The following MIB1 variants were observed in gnomAD, a reference collection of about 807,000 sequenced individuals.
The protein encoded by MIB1 is MIB E3 ubiquitin protein ligase 1.
Under a neutral mutation model 124.5 loss-of-function variants are expected in MIB1, and 278 were observed. That is an observed-to-expected ratio of 2.23 (90% CI 2.02 to 2.47). The LOEUF (loss-of-function observed/expected upper bound fraction) is 2.47. Ranked by LOEUF, MIB1 falls within the 30% of genes most tolerant of loss-of-function variation. The pLI, the probability that MIB1 is intolerant of heterozygous loss-of-function variation, is 0.00. For synonymous variants in MIB1, 446 were observed against 429.4 expected (o/e 1.04, Z -0.48); for missense variants, 957 against 1,254.4 (o/e 0.76, Z 3.58).
upstream of MIB1, among the ~76,000 whole-genome samples, chr18:21,739,574 A>G (rs957029575): frequency 6.6e-6 from 1 of 152,190 alleles, no homozygotes; most frequent in Non-Finnish European, 1.5e-5. Flanking sequence ...AGAAGCCAGT[A>G]GCACATCAAA....
chr18:21,805,074 G>A (rs184542503), intron 10 of MIB1, among the ~76,000 whole-genome samples: 2 of 152,130 alleles, frequency 1.3e-5, no homozygotes, highest in South Asian at 2.1e-4. Flanking sequence ...GTGCAATGGC[G>A]TGTTCTCAGC....
At chr18:21,838,543 A>T (rs764169788) in intron 13 of MIB1, 46 bp downstream of exon 13, 5 of 1,466,818 alleles carry the variant, frequency 3.4e-6, no homozygotes, top group Non-Finnish European at 4.6e-6. Context: ...TTTTTTTTAA[A>T]CAATTTGGGA....
rs1248075005 is a variant in MIB1 at position 21,847,038 on chromosome 18, G to A, written c.2306G>A (p.Arg769Gln). Residue 769 changes from arginine to glutamine, a missense_variant, in exon 16 of 21, where the codon CGA (arginine) becomes CAA (glutamine). Arg to Gln is a conservative substitution (Grantham distance 43). Coordinates refer to ENST00000261537, the MANE Select transcript of MIB1 (RefSeq NM_020774.4). ...LAANGADLSIRNKKGQSPLDL... is the reference protein window; with the variant it reads ...LAANGADLSIQNKKGQSPLDL... ...GCCAATGGTGCTGACCTGAGCATTC[G>A]AAATAAGAAGGGTCAATCGCCACTT... 1.9e-6 allele frequency: 3 copies of A among 1,613,946 alleles called. No homozygotes were observed. Among genetic ancestry groups the A allele is most frequent in the South Asian group, 1.1e-5 (1 of 91,078 alleles).
chr18:21,746,135 G>A (rs1472416884), intron 1 of MIB1, among the ~76,000 whole-genome samples: 1 of 152,178 alleles, frequency 6.6e-6, no homozygotes. Context: ...TATATTATAT[G>A]AATAGAAAAT....
At position 21,838,561 on chromosome 18, in the gene MIB1, C is replaced by T. The variant is rs1041984468; in HGVS notation, c.1962+64C>T. On this transcript the variant is annotated intron_variant, in intron 13 of 20. Transcript: ENST00000261537. Reference sequence around the variant, plus strand: ...TTTTTAAACAATTTGGGACCATTGCCATTCATTTATTTATTGCTTTATAAA... The same window carrying T: ...TTTTTAAACAATTTGGGACCATTGCTATTCATTTATTTATTGCTTTATAAA... 4.5e-6 allele frequency: 6 copies of T among 1,339,296 alleles called. No individual in the cohort carries two copies. The African/African-American group carries it at 7.5e-5, about 17-fold the overall frequency. The allele number at this position is 1,339,296 out of a possible 1,614,324, so 83.0% of individuals were successfully genotyped here. A position where few individuals can be genotyped will look rare whatever the true frequency, so the allele number is the denominator to read the frequency against.
chr18:21,735,034 G>A (rs1438306214), intron 1 of MIB1, among the ~76,000 whole-genome samples: 1 of 152,214 alleles, frequency 6.6e-6, no homozygotes, highest in Non-Finnish European at 1.5e-5. Flanking sequence ...CTGAAGAGTG[G>A]AATGGCTGGA....
At chr18:21,775,270 T>A (rs996256590) in intron 4 of MIB1, among the ~76,000 whole-genome samples, 1 of 152,072 alleles carries the variant, frequency 6.6e-6, no homozygotes, top group Non-Finnish European at 1.5e-5. Flanking sequence ...GACAGGGTCT[T>A]GCTCTGTCAC....
intron 8 of MIB1, 49 bp downstream of exon 8, chr18:21,798,277 A>C (rs1389595809): frequency 6.4e-7 from 1 of 1,572,200 alleles, no homozygotes; most frequent in Non-Finnish European, 8.7e-7. Flanking sequence ...TTACATTAAA[A>C]CCTTTGCTAA....
At position 21,848,519 on chromosome 18, in the gene MIB1, A is replaced by G. The variant is rs116617451; in HGVS notation, c.2394-677A>G. On this transcript the variant is annotated intron_variant, in intron 16 of 20. Coordinates refer to ENST00000261537, the MANE Select transcript of MIB1 (RefSeq NM_020774.4). ...TTATTGCAGTAATAACTTTTAAACAATGGAGTCTAAGGTGGACCCTCTGTG... is the reference window on the plus strand; with the variant it reads ...TTATTGCAGTAATAACTTTTAAACAGTGGAGTCTAAGGTGGACCCTCTGTG... 9.0e-3 allele frequency among the ~76,000 whole-genome samples: 1,364 copies of G among 152,260 alleles called. 21 individuals carry two copies. The highest frequency in any genetic ancestry group is 0.03 in the African/African-American group (1,266 of 41,546).
At chr18:21,804,323 G>A (rs1313846705) in intron 10 of MIB1, among the ~76,000 whole-genome samples, 2 of 152,212 alleles carry the variant, frequency 1.3e-5, no homozygotes, top group Non-Finnish European at 2.9e-5. Flanking sequence ...ATTGAAGGAC[G>A]AGGAATATAA....
intron 13 of MIB1, among the ~76,000 whole-genome samples, chr18:21,840,309 A>G (rs1304405490): frequency 6.6e-6 from 1 of 152,144 alleles, no homozygotes; most frequent in Non-Finnish European, 1.5e-5. Context: ...AACCACACAT[A>G]TAGTCAATTA....
chr18:21,803,866 T>G, intron 9 of MIB1, 41 bp from the exon 10 acceptor site: 39 of 1,386,926 alleles, frequency 2.8e-5, no homozygotes, highest in Non-Finnish European at 3.7e-5. Flanking sequence ...CTGTTTCTGA[T>G]TATTCATTCA....
intron 3 of MIB1, among the ~76,000 whole-genome samples, chr18:21,773,364 A>G (rs2041243497): frequency 6.6e-6 from 1 of 152,234 alleles, no homozygotes; most frequent in Admixed American, 6.5e-5. Context: ...CTGATAATCT[A>G]TCACTGTAAT....
intron 1 of MIB1, among the ~76,000 whole-genome samples, chr18:21,747,359 C>T (rs1449381519): frequency 6.6e-6 from 1 of 152,200 alleles, no homozygotes; most frequent in African/African-American, 2.4e-5. Flanking sequence ...GCACACAGAT[C>T]ACCTGGGGAC....
chr18:21,741,539 G>GCGT lies in MIB1; in HGVS notation c.-43_-42insTCG. On this transcript the variant is annotated 5_prime_UTR_variant, in exon 1 of 21. Coordinates refer to ENST00000261537, the MANE Select transcript of MIB1 (RefSeq NM_020774.4). This position sits in a 1 kb window ranked among gnomAD's most constrained non-coding sequence, Gnocchi z 5.4. ...CCTCACGGGCCCCCCGGCGGCAGCG[G>GCGT]CGGCGGCGGCGGCGGCAGCGGCGGA... 7.7e-7 allele frequency: 1 copy of GCGT among 1,293,704 alleles called. No individual in the cohort carries two copies. Among genetic ancestry groups the GCGT allele is most frequent in the Non-Finnish European group, 9.8e-7 (1 of 1,016,838 alleles). 80.1% of individuals were successfully genotyped at this position (1,293,704 alleles called of 1,614,324 possible).
At chr18:21,852,907 G>T (rs2042193727) in intron 17 of MIB1, among the ~76,000 whole-genome samples, 1 of 152,132 alleles carries the variant, frequency 6.6e-6, no homozygotes, top group African/African-American at 2.4e-5. Context: ...TATATTTTAG[G>T]ACAGATAGGG....
At chr18:21,727,152 C>G (rs896224089) in intron 1 of MIB1, among the ~76,000 whole-genome samples, 10 of 152,126 alleles carry the variant, frequency 6.6e-5, no homozygotes, top group Admixed American at 5.9e-4. Context: ...CTCTGTTGCC[C>G]AGGTTGGAGT....
At chr18:21,735,782 C>G (rs182910673) in intron 1 of MIB1, among the ~76,000 whole-genome samples, 1 of 152,324 alleles carries the variant, frequency 6.6e-6, no homozygotes, top group East Asian at 1.9e-4. Context: ...GGTGGAGGCC[C>G]TCTGCAACTC....
At chr18:21,709,759 GGAGC>G (rs1301102060) in intron 1 of MIB1, among the ~76,000 whole-genome samples, 2 of 152,164 alleles carry the variant, frequency 1.3e-5, no homozygotes, top group Non-Finnish European at 2.9e-5. Flanking sequence ...AGCATGTAAT[GGAGC>G]AACTTAGCCA....
Sources: allele counts gnomAD v4.1 joint callset (sites outside exome capture counted in the v4.1 genomes callset), GRCh38; gene constraint gnomAD v4.1.1; non-coding constraint Gnocchi (gnomAD v3.1); transcripts MANE v1.5; gene names NCBI Gene and HGNC (gene_info 2026-07-23, HGNC 2026-07-21).